The following ZNF655 variants were observed in gnomAD, a reference collection of about 807,000 sequenced individuals.
The protein encoded by ZNF655 is Vav-interacting Kruppel-like protein 1.
ZNF655 carries 3 observed loss-of-function variants against 6.6 expected under a neutral mutation model. The ratio of observed to expected loss-of-function variants is 0.46; its 90% CI spans 0.21 to 1.18. The LOEUF is 1.18. Among genes scored for constraint, ZNF655 ranks in the 50% most tolerant of loss-of-function variants. The probability of loss-of-function intolerance (pLI) is 0.24; values close to 1 mark genes in which losing one functional copy is unlikely to be tolerated. For missense variants in ZNF655, 526 were observed against 572.3 expected (o/e 0.92, Z 0.83); for synonymous variants, 178 against 195.0 (o/e 0.91, Z 0.73).
chr7:99,572,897 T>C lies in ZNF655; in HGVS notation c.789T>C (p.Thr263=). Residue 263 remains threonine, a synonymous_variant, in exon 3 of 3, where the codon ACT becomes ACC. Transcript: ENST00000252713. ...SSLSRHKRIH[T]REKPYKCEAS... ...TTAGTCGACATAAAAGAATACACACTAGAGAAAAACCTTACAAATGTGAAG... is the reference window on the plus strand; with the variant it reads ...TTAGTCGACATAAAAGAATACACACCAGAGAAAAACCTTACAAATGTGAAG... 1 of 1,614,086 alleles carries C rather than the reference T, an allele frequency of 6.2e-7. No individual in the cohort carries two copies. The highest frequency in any genetic ancestry group is 8.5e-7 in the Non-Finnish European group (1 of 1,179,972).
Position 99,573,581 on chromosome 7 carries a change from A to C in ZNF655, c.1473A>C (p.Ser491=). 6.3e-7 allele frequency: 1 copy of C among 1,594,826 alleles called. No homozygotes were observed. The highest frequency in any genetic ancestry group is 1.3e-5 in the African/African-American group (1 of 74,674). The change falls in exon 3 of 3, where the codon TCA becomes TCC. Residue 491 remains serine (S), a synonymous_variant. Transcript: ENST00000252713. ...AGAGCATTCATACCAAAGAGAACTC[A>C]TGAATGTAATGAAGATGGGAAGATA... is the stretch of plus-strand genomic sequence containing the variant. ...QHQSIHTKEN[S] is the part of the protein sequence containing the mutation.
At chr7:99,560,439 C>T (rs941470909) in intron 1 of ZNF655, 94 bp from the exon 2 acceptor site, 33 of 1,226,200 alleles carry the variant, frequency 2.7e-5, no homozygotes, top group Middle Eastern at 2.8e-4. Flanking sequence ...ATTGAATATC[C>T]ATAGTGTGTA....
At chr7:99,569,195 A>G (rs935392828) in intron 2 of ZNF655, among the ~76,000 whole-genome samples, 2 of 152,164 alleles carry the variant, frequency 1.3e-5, no homozygotes, top group African/African-American at 4.8e-5. Context: ...CTTTTACTTC[A>G]CTGTCAATAT....
rs1305247272 is a variant in ZNF655 at position 99,573,080 on chromosome 7, T to C, written c.972T>C (p.Ile324=). ...RSVHLTQHQK[I]HKEMPCKCTV... ...TCCACCTTACTCAACATCAGAAAAT[T>C]CACAAAGAGATGCCCTGTAAGTGTA... Residue 324 remains isoleucine (I), a synonymous_variant, in exon 3 of 3, where the codon ATT becomes ATC. Coordinates refer to ENST00000252713, the MANE Select transcript of ZNF655 (RefSeq NM_138494.3). 6.2e-7 allele frequency: 1 copy of C among 1,613,942 alleles called. No individual in the cohort carries two copies. Among genetic ancestry groups the C allele is most frequent in the African/African-American group, 1.3e-5 (1 of 74,894 alleles).
chr7:99,573,683 A>G lies in ZNF655; in HGVS notation c.*99A>G, dbSNP rs1426964536. 4 of 1,379,282 alleles carry G rather than the reference A, an allele frequency of 2.9e-6. No homozygotes were observed. The highest frequency in any genetic ancestry group is 3.9e-6 in the Non-Finnish European group (4 of 1,019,898). The allele number at this position is 1,379,282 out of a possible 1,614,324, so 85.4% of individuals were successfully genotyped here. A position where few individuals can be genotyped will look rare whatever the true frequency, so the allele number is the denominator to read the frequency against. On this transcript the variant is annotated 3_prime_UTR_variant, in exon 3 of 3. Coordinates refer to ENST00000252713, the MANE Select transcript of ZNF655 (RefSeq NM_138494.3). ...ATCATGTATGTACTGCATGTGGTAA[A>G]GCCTTCAGTCATAGCTCAGCCATTG...
intron 2 of ZNF655, chr7:99,571,590 C>A: frequency 9.5e-7 from 1 of 1,056,874 alleles, no homozygotes; most frequent in Non-Finnish European, 1.3e-6. Context: ...TTCTCAGAAT[C>A]GACCTTCTGT....
At position 99,572,351 on chromosome 7, in the gene ZNF655, C is replaced by G. The variant is rs749458739; in HGVS notation, c.243C>G (p.Thr81=). ...VRVGRLKHDI[T]QVPETREVYK... is the part of the protein sequence containing the mutation. Reference sequence around the variant, plus strand: ...TAGGAAGACTCAAACACGATATTACCCAAGTTCCTGAGACTAGAGAAGTGT... The same window carrying G: ...TAGGAAGACTCAAACACGATATTACGCAAGTTCCTGAGACTAGAGAAGTGT... Residue 81 remains threonine, a synonymous_variant, in exon 3 of 3, where the codon ACC becomes ACG. Transcript: ENST00000252713. The G allele has an allele frequency of 6.8e-6, 11 of 1,613,584 alleles. No homozygotes were observed. The highest frequency in any genetic ancestry group is 5.5e-5 in the South Asian group (5 of 91,038).
At chr7:99,563,120 C>G (rs1434650473) in intron 2 of ZNF655, 6 of 441,400 alleles carry the variant, frequency 1.4e-5, no homozygotes, top group Non-Finnish European at 2.7e-5. Flanking sequence ...GCAGAAATCT[C>G]AGATGTTTAC....
chr7:99,569,038 G>A (rs1584259775), intron 2 of ZNF655, among the ~76,000 whole-genome samples: 3 of 151,576 alleles, frequency 2.0e-5, no homozygotes, highest in African/African-American at 4.8e-5. Flanking sequence ...GTCCGTCATG[G>A]CCTCCCAAAG....
At position 99,562,019 on chromosome 7, in the gene ZNF655, G is replaced by A. The variant is rs371874572; in HGVS notation, c.136+1324G>A. 88 of 1,468,054 alleles carry A rather than the reference G, an allele frequency of 6.0e-5. No individual in the cohort carries two copies. In the African/African-American group the frequency reaches 1.2e-3, roughly 20 times the overall value. 90.9% of individuals were successfully genotyped at this position (1,468,054 alleles called of 1,614,324 possible). ...CTTTTCCTCAGGGACTATTGCTACT[G>A]ATGGAGTGTGGCCTCTCTCTCATCC... On this transcript the variant is annotated intron_variant, in intron 2 of 2. Transcript: ENST00000252713.
Position 99,560,606 on chromosome 7 carries a change from A to G in ZNF655, c.47A>G (p.Gln16Arg). ...AQEAAGSPRV[Q>R]FQSLETQSEC... ...GAAGCAGCAGGGTCACCAAGGGTCC[A>G]GTTTCAGTCTTTGGAGACCCAGTCT... is the stretch of plus-strand genomic sequence containing the variant. The change falls in exon 2 of 3, where the codon CAG becomes CGG. Residue 16 changes from glutamine to arginine, a missense_variant. Transcript: ENST00000252713. 1.9e-6 allele frequency: 3 copies of G among 1,614,230 alleles called. No homozygotes were observed. Among genetic ancestry groups the G allele is most frequent in the Non-Finnish European group, 8.5e-7 (1 of 1,180,024 alleles).
In ZNF655 at chr7:99,573,162, C is replaced by T. The variant is rs868815971; in HGVS notation, c.1054C>T (p.His352Tyr). The change falls in exon 3 of 3, where the codon CAT (histidine) becomes TAT (tyrosine). Residue 352 changes from histidine to tyrosine, a missense_variant. Physicochemically the swap from His to Tyr is moderately conservative, Grantham distance 83 (BLOSUM62 2). Coordinates refer to ENST00000252713, the MANE Select transcript of ZNF655 (RefSeq NM_138494.3). ...TSYLLEHQRVHHEEKAYEYDE... is the reference protein window; with the variant it reads ...TSYLLEHQRVYHEEKAYEYDE... ...ATACCTACTTGAACATCAGAGGGTCCATCATGAAGAGAAAGCCTATGAGTA... is the reference window on the plus strand; with the variant it reads ...ATACCTACTTGAACATCAGAGGGTCTATCATGAAGAGAAAGCCTATGAGTA... The T allele has an allele frequency of 1.9e-6, 3 of 1,614,094 alleles. No individual in the cohort carries two copies. The highest frequency in any genetic ancestry group is 2.5e-6 in the Non-Finnish European group (3 of 1,179,998).
chr7:99,561,459 T>C (rs1282476279), intron 2 of ZNF655, among the ~76,000 whole-genome samples: 1 of 152,148 alleles, frequency 6.6e-6, no homozygotes, highest in African/African-American at 2.4e-5. Flanking sequence ...CCTTACACAC[T>C]GGTTGAGACA....
chr7:99,559,626 ATATTT>A (rs768628036), intron 1 of ZNF655, among the ~76,000 whole-genome samples: 131 of 152,112 alleles, frequency 8.6e-4, no homozygotes, highest in Admixed American at 5.5e-3. Flanking sequence ...TAAATTTTAA[ATATTT>A]TGTTTTGTTT....
In ZNF655 at chr7:99,572,522, C is replaced by T; in HGVS notation, c.414C>T (p.Phe138=). The T allele has an allele frequency of 6.2e-7, 1 of 1,613,990 alleles. No homozygotes were observed. Among genetic ancestry groups the T allele is most frequent in the Non-Finnish European group, 8.5e-7 (1 of 1,179,952 alleles). Reference sequence around the variant, plus strand: ...AATGTCATGAACCCGAAAAAAGCTTCAGTCTGGACTCTACTATTGATGCAG... The same window carrying T: ...AATGTCATGAACCCGAAAAAAGCTTTAGTCTGGACTCTACTATTGATGCAG... The part of the protein sequence containing the change: ...NNECHEPEKS[F]SLDSTIDADQ... The change falls in exon 3 of 3, where the codon TTC becomes TTT. Residue 138 remains phenylalanine, a synonymous_variant. Coordinates refer to ENST00000252713, the MANE Select transcript of ZNF655 (RefSeq NM_138494.3).
chr7:99,564,836 A>T, intron 2 of ZNF655: 1 of 378,064 alleles, frequency 2.6e-6, no homozygotes, highest in Non-Finnish European at 3.6e-6. Flanking sequence ...TGCAGTCGAC[A>T]TGCATACACA....
chr7:99,561,748 A>G, intron 2 of ZNF655: 1 of 436,978 alleles, frequency 2.3e-6, no homozygotes, highest in Non-Finnish European at 4.0e-6. Flanking sequence ...AGACACACCC[A>G]ATACCTGAAA....
intron 2 of ZNF655, chr7:99,571,902 A>G (rs1271945530): frequency 1.4e-5 from 10 of 701,084 alleles, no homozygotes; most frequent in African/African-American, 3.6e-5. Context: ...GTGTCCTAGC[A>G]TGGAGAGTTC....
chr7:99,566,454 G>C (rs1349220686), intron 2 of ZNF655, among the ~76,000 whole-genome samples: 6 of 152,210 alleles, frequency 3.9e-5, no homozygotes, highest in Non-Finnish European at 8.8e-5. Context: ...TATTGCTAAG[G>C]AGAGATATTA....
Sources: allele counts gnomAD v4.1 joint callset (sites outside exome capture counted in the v4.1 genomes callset), GRCh38; gene constraint gnomAD v4.1.1; transcripts MANE v1.5; gene names NCBI Gene and HGNC (gene_info 2026-07-23, HGNC 2026-07-21).